ZCCHC7: variants seen among roughly 807,000 people sequenced by gnomAD.
ZCCHC7 encodes the protein zinc finger CCHC-type containing 7, also known as zinc finger CCHC domain-containing protein 7.
Under a neutral mutation model 52.0 loss-of-function variants are expected in ZCCHC7, and 35 were observed. That is an observed-to-expected ratio of 0.67 (90% CI 0.51 to 0.89). The LOEUF is 0.89. Ranked by LOEUF, ZCCHC7 falls within the 40% of genes least tolerant of loss-of-function variation. ZCCHC7 has a pLI of 0.00. For synonymous variants in ZCCHC7, 217 were observed against 221.5 expected, an observed-to-expected ratio of 0.98 and a Z score of 0.18; for missense variants, 574 against 649.1, an observed-to-expected ratio of 0.88 and a Z score of 1.26.
chr9:37,219,026 T>G (rs1824673140), intron 2 of ZCCHC7, among the ~76,000 whole-genome samples: 1 of 150,628 alleles, frequency 6.6e-6, no homozygotes, highest in Non-Finnish European at 1.5e-5. Context: ...ATTGCACCAC[T>G]GTGCTCCAGC....
At chr9:37,275,318 CT>C (rs35954918) in intron 2 of ZCCHC7, among the ~76,000 whole-genome samples, 62,836 of 123,906 alleles carry the variant, frequency 0.51, 14,556 homozygotes, top group African/African-American at 0.61. Context: ...TCTAGTTTTC[CT>C]TTTTTTTTTT....
In ZCCHC7 at chr9:37,218,751, G is replaced by A. The variant is rs140859822; in HGVS notation, c.611-83437G>A. Among the ~76,000 whole-genome samples, 44 of 152,304 alleles carry A rather than the reference G, an allele frequency of 2.9e-4. 1 individual carries two copies. In the East Asian group the frequency reaches 8.5e-3, roughly 29 times the overall value. On this transcript the variant is annotated intron_variant, in intron 2 of 8. Coordinates refer to ENST00000336755, the MANE Select transcript of ZCCHC7 (RefSeq NM_032226.3). The stretch of plus-strand genomic sequence containing the variant: ...TTGAACCTGGGAGATAGAGGTTGCA[G>A]TGAGCCGAGATTGCGCCACTGCACT...
intron 5 of ZCCHC7, among the ~76,000 whole-genome samples, chr9:37,324,836 A>G (rs1830177017): frequency 1.3e-5 from 2 of 152,118 alleles, no homozygotes; most frequent in South Asian, 2.1e-4. Flanking sequence ...GTGTTTGTTC[A>G]TTGTTGTGGA....
At chr9:37,178,471 T>C (rs1237925373) in intron 2 of ZCCHC7, among the ~76,000 whole-genome samples, 1 of 118,734 alleles carries the variant, frequency 8.4e-6, no homozygotes, top group African/African-American at 3.3e-5. Context: ...GGAAAGAAGG[T>C]AAAAGAGAAA....
chr9:37,187,612 C>T (rs1026148575), intron 2 of ZCCHC7, among the ~76,000 whole-genome samples: 5 of 152,084 alleles, frequency 3.3e-5, no homozygotes, highest in African/African-American at 4.8e-5. Context: ...GTTTCTACTT[C>T]GGGAGATGGG....
chr9:37,301,515 G>C (rs1829029193), intron 2 of ZCCHC7, among the ~76,000 whole-genome samples: 1 of 152,114 alleles, frequency 6.6e-6, no homozygotes, highest in African/African-American at 2.4e-5. Flanking sequence ...TGGGAGGATT[G>C]CTTAAGCCTG....
At chr9:37,298,163 A>C (rs1645877839) in intron 2 of ZCCHC7, among the ~76,000 whole-genome samples, 1 of 152,346 alleles carries the variant, frequency 6.6e-6, no homozygotes, top group East Asian at 1.9e-4. Context: ...ATCACCATGC[A>C]CATATAAAGA....
chr9:37,149,436 A>G (rs900994238), intron 2 of ZCCHC7, among the ~76,000 whole-genome samples: 1 of 151,972 alleles, frequency 6.6e-6, no homozygotes, highest in Non-Finnish European at 1.5e-5. Context: ...AGAAAAAAAT[A>G]CCCCCCTGTC....
At chr9:37,339,493 GGTTTCTTTATT>G (rs1830827367) in intron 6 of ZCCHC7, among the ~76,000 whole-genome samples, 1 of 152,214 alleles carries the variant, frequency 6.6e-6, no homozygotes, top group East Asian at 1.9e-4. Context: ...CTAACTTTTA[GGTTTCTTTATT>G]TGATTCTTTT....
rs1180731163 is a variant in ZCCHC7, at chr9:37,123,224, T to TGTGTGC, written c.-22+2602_-22+2603insTGTGCG. ...GTGTGTGTGTGTGTGTGTGTGTGTGTGCGTGTGCGTGTGTGTGTAAAAAAC... is the reference window on the plus strand; with the variant it reads ...GTGTGTGTGTGTGTGTGTGTGTGTGTGTGTGCGCGTGTGCGTGTGTGTGTAAAAAAC... On this transcript the variant is annotated intron_variant, in intron 1 of 8. Transcript: ENST00000336755. Among the ~76,000 whole-genome samples, 659 of 124,948 alleles carry TGTGTGC rather than the reference T, an allele frequency of 5.3e-3. 6 individuals are homozygous for TGTGTGC. The highest frequency in any genetic ancestry group is 0.016 in the African/African-American group (600 of 37,822). The allele number at this position is 124,948 out of a possible 152,430, so 82.0% of individuals were successfully genotyped here. A position where few individuals can be genotyped will look rare whatever the true frequency, so the allele number is the denominator to read the frequency against.
chr9:37,337,397 ACCCACC>A (rs1830726568), intron 6 of ZCCHC7, among the ~76,000 whole-genome samples: 1 of 17,246 alleles, frequency 5.8e-5, no homozygotes, highest in Non-Finnish European at 1.0e-4. Flanking sequence ...CACCCTACCC[ACCCACC>A]CCCCCCCCCC....
intron 2 of ZCCHC7, among the ~76,000 whole-genome samples, chr9:37,279,023 A>G (rs1157948257): frequency 6.6e-6 from 1 of 152,234 alleles, no homozygotes; most frequent in East Asian, 1.9e-4. Flanking sequence ...TATTAAAAAA[A>G]TTAAATTTAA....
chr9:37,151,808 G>GA (rs912813938), intron 2 of ZCCHC7, among the ~76,000 whole-genome samples: 10 of 149,348 alleles, frequency 6.7e-5, no homozygotes, highest in Non-Finnish European at 1.0e-4. Context: ...CCATCTCAAA[G>GA]AAAAAAAAAA....
chr9:37,340,368 A>G (rs1433397912), intron 6 of ZCCHC7, among the ~76,000 whole-genome samples: 2 of 151,782 alleles, frequency 1.3e-5, no homozygotes, highest in African/African-American at 2.4e-5. Flanking sequence ...AATCTCCAAG[A>G]TATCACCCTA....
At chr9:37,142,958 A>G (rs1372315612) in intron 2 of ZCCHC7, among the ~76,000 whole-genome samples, 1 of 151,810 alleles carries the variant, frequency 6.6e-6, no homozygotes, top group Non-Finnish European at 1.5e-5. Context: ...AATGTTATTA[A>G]TTCTTAAAGC....
rs188426051 is a variant in ZCCHC7 at position 37,258,839 on chromosome 9, G to A, written c.611-43349G>A. On this transcript the variant is annotated intron_variant, in intron 2 of 8. Transcript: ENST00000336755. ...TTTTAGTAACAAATTGGAGGAATTG[G>A]AGAGAAAAGCAAAAAATAGATATTT... Among the ~76,000 whole-genome samples, 157 of 151,046 alleles carry A rather than the reference G, an allele frequency of 1.0e-3. 1 individual carries two copies. The highest frequency in any genetic ancestry group is 3.6e-3 in the African/African-American group (149 of 40,974).
At chr9:37,254,804 C>CCTTT (rs1826495914) in intron 2 of ZCCHC7, among the ~76,000 whole-genome samples, 1 of 142,222 alleles carries the variant, frequency 7.0e-6, no homozygotes, top group African/African-American at 2.6e-5. Flanking sequence ...CATAACATTT[C>CCTTT]CTTTGAGTGC....
At chr9:37,290,172 T>G (rs901470108) in intron 2 of ZCCHC7, among the ~76,000 whole-genome samples, 8 of 152,236 alleles carry the variant, frequency 5.3e-5, no homozygotes, top group African/African-American at 1.9e-4. Context: ...TTCATTGATA[T>G]GTATATCCCA....
intron 2 of ZCCHC7, among the ~76,000 whole-genome samples, chr9:37,148,641 T>C (rs1000029438): frequency 2.0e-5 from 3 of 152,202 alleles, no homozygotes; most frequent in Non-Finnish European, 2.9e-5. Flanking sequence ...ACATTTGTTA[T>C]AGGATGAGAC....
Sources: allele counts gnomAD v4.1 joint callset (sites outside exome capture counted in the v4.1 genomes callset), GRCh38; gene constraint gnomAD v4.1.1; transcripts MANE v1.5; gene names NCBI Gene and HGNC (gene_info 2026-07-23, HGNC 2026-07-21).